The following PRKG1 variants were observed in gnomAD, a reference collection of about 807,000 sequenced individuals.
The protein encoded by PRKG1 is protein kinase cGMP-dependent 1, also known as cGMP-dependent protein kinase 1.
A neutral mutation model predicts 88.1 loss-of-function variants in PRKG1; 35 were observed. That is an observed-to-expected ratio of 0.40 (90% CI 0.30 to 0.53). The LOEUF (loss-of-function observed/expected upper bound fraction) is 0.53. PRKG1 is among the 20% of genes least tolerant of loss of function. PRKG1 has a pLI of 0.59. For missense variants in PRKG1, 540 were observed against 839.8 expected (o/e 0.64, Z 4.41); for synonymous variants, 303 against 292.5 (o/e 1.04, Z -0.37).
At chr10:51,620,450 A>C (rs529575045) in intron 3 of PRKG1, among the ~76,000 whole-genome samples, 13 of 152,130 alleles carry the variant, frequency 8.5e-5, no homozygotes, top group Admixed American at 5.2e-4. Context: ...TTCCTGCCTC[A>C]TTTTTGGTAC....
chr10:51,213,217 C>CA (rs1838278377), intron 2 of PRKG1, among the ~76,000 whole-genome samples: 1 of 148,442 alleles, frequency 6.7e-6, no homozygotes, highest in Admixed American at 6.9e-5. Context: ...ATCGCAAGGA[C>CA]AAAAAACCAA....
intron 3 of PRKG1, among the ~76,000 whole-genome samples, chr10:51,566,959 C>G (rs951287433): frequency 1.3e-5 from 2 of 150,422 alleles, no homozygotes; most frequent in African/African-American, 4.9e-5. Flanking sequence ...AAAGAAAAAA[C>G]AAGGTAGTGG....
At chr10:51,953,715 G>A (rs143107264) in intron 5 of PRKG1, among the ~76,000 whole-genome samples, 233 of 152,104 alleles carry the variant, frequency 1.5e-3, no homozygotes, top group African/African-American at 3.8e-3. Flanking sequence ...TTGTGTGTGC[G>A]GTTTTGTTTT....
At chr10:51,730,818 G>C (rs1480857791) in intron 3 of PRKG1, among the ~76,000 whole-genome samples, 1 of 152,210 alleles carries the variant, frequency 6.6e-6, no homozygotes, top group East Asian at 1.9e-4. Flanking sequence ...AAGAATAACA[G>C]ATATATGATC....
At chr10:52,029,950 C>T (rs74135113) in intron 5 of PRKG1, among the ~76,000 whole-genome samples, 4 of 152,134 alleles carry the variant, frequency 2.6e-5, no homozygotes, top group Non-Finnish European at 4.4e-5. Context: ...ACCCCATCCA[C>T]TTTTTAAAGA....
At chr10:51,554,864 A>T (rs935027125) in intron 3 of PRKG1, among the ~76,000 whole-genome samples, 12 of 151,646 alleles carry the variant, frequency 7.9e-5, no homozygotes, top group South Asian at 6.2e-4. Flanking sequence ...CCTCAAAAAA[A>T]TTTTTTTTAA....
At chr10:51,980,074 G>A (rs1297217505) in intron 5 of PRKG1, among the ~76,000 whole-genome samples, 4 of 151,962 alleles carry the variant, frequency 2.6e-5, no homozygotes, top group Admixed American at 2.6e-4. Context: ...GTGATGTTAA[G>A]TTGTTAATTT....
chr10:51,715,488 C>G (rs937567192), intron 3 of PRKG1, among the ~76,000 whole-genome samples: 1 of 152,044 alleles, frequency 6.6e-6, no homozygotes. Context: ...TTTGAGAAAC[C>G]CTTCATTTGA....
At chr10:51,699,144 G>A in intron 3 of PRKG1, 2 of 1,614,200 alleles carry the variant, frequency 1.2e-6, no homozygotes, top group Non-Finnish European at 1.7e-6. Flanking sequence ...TGCTCCGGGG[G>A]GAGACTGGCT....
intron 1 of PRKG1, among the ~76,000 whole-genome samples, chr10:51,023,372 A>G (rs1843164496): frequency 6.6e-6 from 1 of 152,232 alleles, no homozygotes; most frequent in Non-Finnish European, 1.5e-5. Context: ...TGTGCTACAC[A>G]ACCCTTATGT....
At chr10:51,958,028 AT>A (rs538023506) in intron 5 of PRKG1, among the ~76,000 whole-genome samples, 100 of 152,184 alleles carry the variant, frequency 6.6e-4, no homozygotes, top group African/African-American at 2.2e-3. Flanking sequence ...TTTACCTTAG[AT>A]TTTTTTTAAT....
chr10:52,051,147 G>T (rs1215882802), intron 5 of PRKG1, among the ~76,000 whole-genome samples: 1 of 152,104 alleles, frequency 6.6e-6, no homozygotes, highest in Non-Finnish European at 1.5e-5. Flanking sequence ...AAATAATTTT[G>T]GCTTTCTGAA....
chr10:51,346,806 GTAT>G (rs1207433123), intron 2 of PRKG1, among the ~76,000 whole-genome samples: 1 of 152,146 alleles, frequency 6.6e-6, no homozygotes, highest in Non-Finnish European at 1.5e-5. Context: ...AGCATTGGAA[GTAT>G]TATAGAATAC....
At chr10:51,648,903 A>G (rs901172245) in intron 3 of PRKG1, among the ~76,000 whole-genome samples, 7 of 152,184 alleles carry the variant, frequency 4.6e-5, no homozygotes, top group African/African-American at 1.7e-4. Context: ...TTATGTCCAC[A>G]GCAAGAATGC....
intron 2 of PRKG1, among the ~76,000 whole-genome samples, chr10:51,463,066 G>T (rs1321592477): frequency 6.6e-6 from 1 of 152,116 alleles, no homozygotes; most frequent in Non-Finnish European, 1.5e-5. Flanking sequence ...CTAGAACTTA[G>T]TAAGGTGCTT....
chr10:51,821,821 T>C lies in PRKG1; in HGVS notation c.698+17131T>C, dbSNP rs1004935824. Among the ~76,000 whole-genome samples, 3 of 152,124 alleles carry C rather than the reference T, an allele frequency of 2.0e-5. No individual in the cohort carries two copies. In the East Asian group the frequency reaches 5.8e-4, roughly 29 times the overall value. ...AAATAAACTCATGCATATGGTCAGT[T>C]GATCTTCAGGGAATCTTTATGCACT... On this transcript the variant is annotated intron_variant, in intron 4 of 17. Coordinates refer to ENST00000373980, the MANE Select transcript of PRKG1 (RefSeq NM_006258.4).
rs1027937159 is a variant in PRKG1 at position 51,269,501 on chromosome 10, T to C, written c.478+116171T>C. Among the ~76,000 whole-genome samples the C allele has an allele frequency of 1.4e-4, 22 of 152,162 alleles. 1 individual carries two copies. The highest frequency in any genetic ancestry group is 2.0e-4 in the Admixed American group (3 of 15,264). On this transcript the variant is annotated intron_variant, in intron 2 of 17. Coordinates refer to ENST00000373980, the MANE Select transcript of PRKG1 (RefSeq NM_006258.4). Reference sequence around the variant, plus strand: ...AACCAACGAATGGATAAAGAAAATATATTATGTATACAACATGGAATACTA... The same window carrying C: ...AACCAACGAATGGATAAAGAAAATACATTATGTATACAACATGGAATACTA...
intron 3 of PRKG1, among the ~76,000 whole-genome samples, chr10:51,508,563 A>C (rs1171857550): frequency 1.3e-5 from 2 of 152,130 alleles, no homozygotes. Context: ...TTTAAAAAAA[A>C]AACCTTAAAT....
At chr10:51,280,682 C>T (rs1261789919) in intron 2 of PRKG1, among the ~76,000 whole-genome samples, 1 of 152,224 alleles carries the variant, frequency 6.6e-6, no homozygotes, top group East Asian at 1.9e-4. Flanking sequence ...GTGCATTCGT[C>T]AAGTAGTTCT....
Sources: allele counts gnomAD v4.1 joint callset (sites outside exome capture counted in the v4.1 genomes callset), GRCh38; gene constraint gnomAD v4.1.1; transcripts MANE v1.5; gene names NCBI Gene and HGNC (gene_info 2026-07-23, HGNC 2026-07-21).